The following FRMD6 variants were observed in gnomAD, a reference collection of about 807,000 sequenced individuals.
FRMD6 encodes the protein FERM domain-containing protein 6.
A neutral mutation model predicts 73.2 loss-of-function variants in FRMD6; 37 were observed. The ratio of observed to expected loss-of-function variants is 0.51; its 90% CI spans 0.39 to 0.66. The LOEUF is 0.66. FRMD6 is among the 30% of genes least tolerant of loss of function. FRMD6 has a pLI of 0.00. For synonymous variants in FRMD6, 273 were observed against 282.2 expected, an observed-to-expected ratio of 0.97 and a Z score of 0.33; for missense variants, 714 against 780.5, an observed-to-expected ratio of 0.91 and a Z score of 1.02.
At chr14:51,572,094 C>G (rs1888164246) in intron 2 of FRMD6, among the ~76,000 whole-genome samples, 1 of 152,230 alleles carries the variant, frequency 6.6e-6, no homozygotes, top group South Asian at 2.1e-4. Context: ...CAGCATAAGG[C>G]CAGATAGCAT....
chr14:51,413,261 C>T, the FRMD6 span, among the ~76,000 whole-genome samples: 4 of 152,230 alleles, frequency 2.6e-5, no homozygotes, highest in South Asian at 8.3e-4. Flanking sequence ...CTGCACTCAT[C>T]AACTCGTCAT....
At chr14:51,442,775 GC>G in the FRMD6 span, among the ~76,000 whole-genome samples, 1 of 152,174 alleles carries the variant, frequency 6.6e-6, no homozygotes. Context: ...CTCTTGGGCA[GC>G]CCCCTTTAGG....
intron 1 of FRMD6, among the ~76,000 whole-genome samples, chr14:51,515,035 A>G (rs994227321): frequency 6.6e-6 from 1 of 152,184 alleles, no homozygotes; most frequent in Non-Finnish European, 1.5e-5. Context: ...TTCAACCATG[A>G]TGGTGTCCCC....
intron 2 of FRMD6, among the ~76,000 whole-genome samples, chr14:51,632,999 G>A (rs1003544387): frequency 6.6e-6 from 1 of 152,086 alleles, no homozygotes; most frequent in Admixed American, 6.6e-5. Context: ...ATAACAAAAT[G>A]GCATTTTTAA....
At chr14:51,575,632 T>G (rs1888359362) in intron 2 of FRMD6, 1 of 152,246 alleles carries the variant, frequency 6.6e-6, no homozygotes, top group African/African-American at 2.4e-5. Context: ...TTTTTCTTCT[T>G]CGTCACAATG....
At chr14:51,485,100 G>T (rs1019901905), upstream of FRMD6, among the ~76,000 whole-genome samples, 1 of 152,218 alleles carries the variant, frequency 6.6e-6, no homozygotes, top group Admixed American at 6.5e-5. Context: ...ATTTAACCAA[G>T]CTCAAAAGTG....
intron 1 of FRMD6, among the ~76,000 whole-genome samples, chr14:51,567,214 C>A (rs1053014153): frequency 6.6e-6 from 1 of 152,174 alleles, no homozygotes; most frequent in African/African-American, 2.4e-5. Context: ...AATGTAAAAT[C>A]TTCCAAGTTG....
intron 1 of FRMD6, among the ~76,000 whole-genome samples, chr14:51,666,554 G>A (rs936853826): frequency 1.3e-5 from 2 of 152,086 alleles, no homozygotes; most frequent in African/African-American, 4.8e-5. Context: ...GACTGAAGTG[G>A]GAATTGCAAC....
chr14:51,725,763 CTG>C lies in FRMD6; in HGVS notation c.1493-12_1493-11del, dbSNP rs775191737. The C allele has an allele frequency of 5.7e-6, 9 of 1,566,906 alleles. No homozygotes were observed. Among genetic ancestry groups the C allele is most frequent in the Admixed American group, 1.7e-5 (1 of 59,890 alleles). ...TTTGAAGTATTTATTGTTTTTATCTCTGTGTTTTATTTCAGGGTTGATTGTGA... is the reference window on the plus strand; with the variant it reads ...TTTGAAGTATTTATTGTTTTTATCTCTGTTTTATTTCAGGGTTGATTGTGA... On this transcript the variant is annotated splice_polypyrimidine_tract_variant and intron_variant, in intron 12 of 13. Transcript: ENST00000344768.
At chr14:51,708,571 G>A (rs142066679) in intron 7 of FRMD6, among the ~76,000 whole-genome samples, 175 of 152,116 alleles carry the variant, frequency 1.2e-3, no homozygotes, top group African/African-American at 4.0e-3. Flanking sequence ...AATAGCATTT[G>A]CAACTTCTTT....
chr14:51,672,423 A>G (rs940225550), intron 1 of FRMD6, among the ~76,000 whole-genome samples: 1 of 152,174 alleles, frequency 6.6e-6, no homozygotes, highest in South Asian at 2.1e-4. Flanking sequence ...TTCACCCTAC[A>G]GTCCTGATTT....
intron 13 of FRMD6, among the ~76,000 whole-genome samples, chr14:51,726,297 A>G (rs1274047243): frequency 2.0e-5 from 3 of 152,138 alleles, no homozygotes; most frequent in Admixed American, 2.0e-4. Flanking sequence ...GCATTTGACA[A>G]CCTGTGATCA....
intron 1 of FRMD6, among the ~76,000 whole-genome samples, chr14:51,566,143 C>T (rs949821745): frequency 3.3e-5 from 5 of 152,104 alleles, no homozygotes; most frequent in African/African-American, 7.2e-5. Context: ...CTAGCCTGGG[C>T]GACAGAGGGA....
chr14:51,437,648 T>C, the FRMD6 span, among the ~76,000 whole-genome samples: 1 of 152,238 alleles, frequency 6.6e-6, no homozygotes, highest in African/African-American at 2.4e-5. Context: ...GGGAGCAAGT[T>C]GCAGTCTTCC....
chr14:51,681,751 C>T (rs1894812612), intron 1 of FRMD6, among the ~76,000 whole-genome samples: 2 of 152,194 alleles, frequency 1.3e-5, no homozygotes, highest in Non-Finnish European at 1.5e-5. Flanking sequence ...AGTTTCTTAG[C>T]TTGCATTTGG....
the FRMD6 span, among the ~76,000 whole-genome samples, chr14:51,403,251 T>C: frequency 1.3e-5 from 2 of 152,230 alleles, no homozygotes; most frequent in Admixed American, 1.3e-4. Context: ...GAGAAAATTG[T>C]TATCCTGATT....
chr14:51,446,777 T>C, the FRMD6 span, among the ~76,000 whole-genome samples: 3 of 152,166 alleles, frequency 2.0e-5, no homozygotes, highest in Admixed American at 2.0e-4. Flanking sequence ...CTTTGCCAAA[T>C]CCTGACCATA....
At chr14:51,480,550 G>A in the FRMD6 span, among the ~76,000 whole-genome samples, 1 of 152,056 alleles carries the variant, frequency 6.6e-6, no homozygotes, top group African/African-American at 2.4e-5. Context: ...TTGCCTAAAT[G>A]TATCCTCTAT....
At chr14:51,500,184 T>C (rs184762109) in intron 1 of FRMD6, among the ~76,000 whole-genome samples, 79 of 152,246 alleles carry the variant, frequency 5.2e-4, no homozygotes, top group African/African-American at 1.8e-3. Context: ...TTTTGGGAGA[T>C]GATGGGGGAA....
Sources: gnomAD v4.1 joint callset for allele counts (sites outside exome capture counted in the v4.1 genomes callset) on GRCh38, gnomAD v4.1.1 for gene constraint, MANE v1.5 for transcripts, NCBI Gene and HGNC (gene_info 2026-07-23, HGNC 2026-07-21) for gene names.